Variants in HTR1F observed in about 807,000 individuals in gnomAD.
HTR1F encodes 5-hydroxytryptamine receptor 1F.
HTR1F carries 17 observed loss-of-function variants against 24.0 expected under a neutral mutation model. The ratio of observed to expected loss-of-function variants is 0.71; its 90% CI spans 0.48 to 1.06. The LOEUF is 1.06. Ranked by LOEUF, HTR1F falls within the 50% of genes least tolerant of loss-of-function variation. HTR1F has a pLI of 0.00. For synonymous variants in HTR1F, 186 were observed against 156.8 expected (o/e 1.19, Z -1.39); for missense variants, 391 against 427.8 (o/e 0.91, Z 0.76).
intron 2 of HTR1F, among the ~76,000 whole-genome samples, chr3:87,978,983 G>C (rs1274233362): frequency 1.3e-4 from 15 of 117,728 alleles, no homozygotes; most frequent in African/African-American, 4.9e-4. Context: ...CACCCTAATG[G>C]GCAATCAGGG....
intron 2 of HTR1F, among the ~76,000 whole-genome samples, chr3:87,914,834 C>T (rs1324779635): frequency 2.0e-5 from 3 of 152,112 alleles, no homozygotes; most frequent in Admixed American, 2.0e-4. Context: ...CCTCCCCATA[C>T]TACCACAGCT....
At chr3:87,926,872 C>G (rs1211332654) in intron 2 of HTR1F, among the ~76,000 whole-genome samples, 1 of 152,170 alleles carries the variant, frequency 6.6e-6, no homozygotes, top group Admixed American at 6.5e-5. Flanking sequence ...GTCTTCTCTT[C>G]TGAAGATTAA....
intron 2 of HTR1F, among the ~76,000 whole-genome samples, chr3:87,841,006 C>T (rs115452281): frequency 0.011 from 1,737 of 151,870 alleles, 70 homozygotes; most frequent in African/African-American, 0.039. Context: ...ACAGTTCTGA[C>T]GTTTCATTGC....
chr3:87,909,420 C>T (rs187332962), intron 2 of HTR1F, among the ~76,000 whole-genome samples: 53 of 152,050 alleles, frequency 3.5e-4, no homozygotes, highest in African/African-American at 1.1e-3. Flanking sequence ...AAAGTCAACT[C>T]GTTACGTGCT....
chr3:87,825,784 C>T (rs1166042319), intron 2 of HTR1F, among the ~76,000 whole-genome samples: 4 of 152,068 alleles, frequency 2.6e-5, no homozygotes, highest in Non-Finnish European at 4.4e-5. Flanking sequence ...GGTTGTCTTG[C>T]TGCTATATAC....
At chr3:87,829,352 C>T (rs1704527320) in intron 2 of HTR1F, among the ~76,000 whole-genome samples, 1 of 152,102 alleles carries the variant, frequency 6.6e-6, no homozygotes, top group African/African-American at 2.4e-5. Context: ...ATGTAACAAG[C>T]AGAATCTGAA....
chr3:87,990,710 A>C lies in HTR1F; in HGVS notation c.-40A>C, dbSNP rs373325170. 2 of 1,481,652 alleles carry C rather than the reference A, an allele frequency of 1.3e-6. No homozygotes were observed. Among genetic ancestry groups the C allele is most frequent in the African/African-American group, 2.8e-5 (2 of 71,814 alleles). The allele number at this position is 1,481,652 out of a possible 1,614,324, so 91.8% of individuals were successfully genotyped here. ...TTTTTTCTCTTCCCTTGTTACAGGT[A>C]TCCATTTTTCAGCTATATTAATCTT... is the stretch of plus-strand genomic sequence containing the variant. On this transcript the variant is annotated splice_region_variant and 5_prime_UTR_variant, in exon 3 of 3. Coordinates refer to ENST00000319595, the MANE Select transcript of HTR1F (RefSeq NM_001322209.2).
At chr3:87,919,298 T>C (rs1703960968) in intron 2 of HTR1F, among the ~76,000 whole-genome samples, 1 of 151,826 alleles carries the variant, frequency 6.6e-6, no homozygotes, top group Non-Finnish European at 1.5e-5. Context: ...AAACCCCTTC[T>C]AGACAATGGC....
chr3:87,939,597 T>C (rs1343224414), intron 2 of HTR1F, among the ~76,000 whole-genome samples: 5 of 152,212 alleles, frequency 3.3e-5, no homozygotes, highest in Non-Finnish European at 7.3e-5. Flanking sequence ...TGCTTTGGTC[T>C]TGGGAGAGTG....
rs1312426712 is a variant in HTR1F, at chr3:87,991,030, T to C, written c.281T>C (p.Val94Ala). The change falls in exon 3 of 3, where the codon GTG becomes GCG. Residue 94 changes from valine (V) to alanine (A), a missense_variant. By Grantham distance (64) the Val-to-Ala change is moderately conservative. Coordinates refer to ENST00000319595, the MANE Select transcript of HTR1F (RefSeq NM_001322209.2). Reference sequence around the variant, plus strand: ...AGAGAGAGCTGGATTATGGGGCAAGTGGTCTGTGACATTTGGCTGAGTGTT... The same window carrying C: ...AGAGAGAGCTGGATTATGGGGCAAGCGGTCTGTGACATTTGGCTGAGTGTT... Reference protein sequence around the residue: ...IVRESWIMGQVVCDIWLSVDI... With the variant: ...IVRESWIMGQAVCDIWLSVDI... 12 of 1,614,010 alleles carry C rather than the reference T, an allele frequency of 7.4e-6. No homozygotes were observed. In the Middle Eastern group the frequency reaches 8.2e-4, roughly 111 times the overall value.
chr3:87,837,142 CTTT>C (rs1559599904), intron 2 of HTR1F, among the ~76,000 whole-genome samples: 1 of 151,580 alleles, frequency 6.6e-6, no homozygotes. Flanking sequence ...ATTAAATAGG[CTTT>C]TTTTTAGTTG....
At chr3:87,861,450 A>C (rs1013625619) in intron 2 of HTR1F, among the ~76,000 whole-genome samples, 3 of 152,298 alleles carry the variant, frequency 2.0e-5, no homozygotes, top group Admixed American at 1.3e-4. Flanking sequence ...TAGAAGAACA[A>C]AATCAAAATT....
chr3:87,942,006 A>G (rs1472927498), intron 2 of HTR1F, among the ~76,000 whole-genome samples: 1 of 152,034 alleles, frequency 6.6e-6, no homozygotes, highest in Admixed American at 6.6e-5. Flanking sequence ...TGCCTTTGGT[A>G]GGGAAAGGAG....
chr3:87,902,042 T>G (rs1706335756), intron 2 of HTR1F, among the ~76,000 whole-genome samples: 1 of 152,136 alleles, frequency 6.6e-6, no homozygotes. Context: ...AATATATGAA[T>G]TTTTCACAAA....
intron 2 of HTR1F, among the ~76,000 whole-genome samples, chr3:87,945,214 A>G (rs1704669283): frequency 6.6e-6 from 1 of 151,910 alleles, no homozygotes; most frequent in Middle Eastern, 3.4e-3. Flanking sequence ...GTCCCACATA[A>G]CTGCCCATGT....
intron 2 of HTR1F, among the ~76,000 whole-genome samples, chr3:87,836,505 G>C (rs9878660): frequency 1.3e-5 from 2 of 152,056 alleles, no homozygotes; most frequent in African/African-American, 2.4e-5. Context: ...ATGAATAATA[G>C]AGTCATCCAG....
chr3:87,932,484 C>G (rs755847443), intron 2 of HTR1F, among the ~76,000 whole-genome samples: 1 of 152,072 alleles, frequency 6.6e-6, no homozygotes, highest in Non-Finnish European at 1.5e-5. Context: ...AGTGTGATGC[C>G]TCCAGCTTTG....
chr3:87,879,802 C>A (rs770457785), intron 2 of HTR1F, among the ~76,000 whole-genome samples: 2 of 152,038 alleles, frequency 1.3e-5, no homozygotes, highest in African/African-American at 2.4e-5. Context: ...AGCTTCTATA[C>A]TTACAACATC....
rs1277999563 is a variant in HTR1F at position 87,958,410 on chromosome 3, CTT to C, written c.-42-32296_-42-32295del. Among the ~76,000 whole-genome samples, 4 of 151,566 alleles carry C rather than the reference CTT, an allele frequency of 2.6e-5. 1 individual carries two copies. The highest frequency in any genetic ancestry group is 5.9e-5 in the Non-Finnish European group (4 of 67,674). ...TATGTTGGAGTGACTGTCTGTCTCT[CTT>C]TAATTCTGTGTGCCCTTGAGTACAC... On this transcript the variant is annotated intron_variant, in intron 2 of 2. Coordinates refer to ENST00000319595, the MANE Select transcript of HTR1F (RefSeq NM_001322209.2).
Sources: gnomAD v4.1 joint callset for allele counts (sites outside exome capture counted in the v4.1 genomes callset) on GRCh38, gnomAD v4.1.1 for gene constraint, MANE v1.5 for transcripts, NCBI Gene and HGNC (gene_info 2026-07-23, HGNC 2026-07-21) for gene names.